Variants in DEFB1 observed in about 807,000 individuals in gnomAD.
DEFB1 encodes the protein beta-defensin 1.
In DEFB1, 4 loss-of-function variants were observed where a neutral mutation model predicts 2.6. That is an observed-to-expected ratio of 1.53 (90% CI 0.76 to 3.51). The LOEUF is 3.51. Among genes scored for constraint, DEFB1 ranks in the 30% most tolerant of loss-of-function variants. The probability of loss-of-function intolerance (pLI) is 0.01; values close to 1 mark genes in which losing one functional copy is unlikely to be tolerated. For synonymous variants in DEFB1, 56 were observed against 28.5 expected (o/e 1.96, Z -3.07); for missense variants, 162 against 76.9 (o/e 2.11, Z -4.14).
Position 6,870,689 on chromosome 8 carries a change from A to C in DEFB1, c.199T>G (p.Cys67Gly), listed in dbSNP as rs1800968. The change falls in exon 2 of 2, where the codon TGC (cysteine) becomes GGC (glycine). Residue 67 changes from cysteine (C) to glycine (G), a missense_variant. Transcript: ENST00000297439. ...GTCYRGKAKCCK is the reference protein window; with the variant it reads ...GTCYRGKAKCGK ...TTCTGGTCACTCCCAGCTCACTTGC[A>C]GCACTTGGCCTTCCCTCTGTAACAG... 9 of 1,613,888 alleles carry C rather than the reference A, an allele frequency of 5.6e-6. No homozygotes were observed. In the East Asian group the frequency reaches 2.0e-4, roughly 36 times the overall value.
chr8:6,872,977 T>TGA (rs1806377523), intron 1 of DEFB1, among the ~76,000 whole-genome samples: 1 of 152,228 alleles, frequency 6.6e-6, no homozygotes, highest in African/African-American at 2.4e-5. Context: ...AGAGATCAAC[T>TGA]GAGCATATAA....
rs540583584 is a variant in DEFB1 at position 6,876,510 on chromosome 8, G to T, written c.61+1287C>A. Among the ~76,000 whole-genome samples, 16 of 151,712 alleles carry T rather than the reference G, an allele frequency of 1.1e-4. No homozygotes were observed. In the East Asian group the frequency reaches 3.1e-3, roughly 30 times the overall value. ...AAAACAAAACAAAACAAAAAAACACGGTAGGCTGAGTGGAGTGGCTCATGC... is the reference window on the plus strand; with the variant it reads ...AAAACAAAACAAAACAAAAAAACACTGTAGGCTGAGTGGAGTGGCTCATGC... On this transcript the variant is annotated intron_variant, in intron 1 of 1. Coordinates refer to ENST00000297439, the MANE Select transcript of DEFB1 (RefSeq NM_005218.4).
chr8:6,874,849 A>G (rs1585000376), intron 1 of DEFB1, among the ~76,000 whole-genome samples: 1 of 151,990 alleles, frequency 6.6e-6, no homozygotes, highest in South Asian at 2.1e-4. Flanking sequence ...AGGTGTGGTG[A>G]CAGGCGCCTG....
chr8:6,870,830 T>C lies in DEFB1; in HGVS notation c.62-4A>G. The C allele has an allele frequency of 6.2e-7, 1 of 1,610,858 alleles. No individual in the cohort carries two copies. Among genetic ancestry groups the C allele is most frequent in the Non-Finnish European group, 8.5e-7 (1 of 1,178,784 alleles). On this transcript the variant is annotated splice_region_variant and splice_polypyrimidine_tract_variant and intron_variant, in intron 1 of 1. Coordinates refer to ENST00000297439, the MANE Select transcript of DEFB1 (RefSeq NM_005218.4). The stretch of plus-strand genomic sequence containing the variant: ...AGGCCTGTGAGAAAGTTACCACCTG[T>C]AAGGAGGGAACACAAACACTTCAGA...
Position 6,871,380 on chromosome 8 carries a change from G to T in DEFB1, c.62-554C>A, listed in dbSNP as rs183841562. ...CTTTCATAGTTTTTTTTTCTACTTG[G>T]ACTTTATTTTGCCCTTCTCCCAGTA... is the stretch of plus-strand genomic sequence containing the variant. On this transcript the variant is annotated intron_variant, in intron 1 of 1. Transcript: ENST00000297439. Among the ~76,000 whole-genome samples the T allele has an allele frequency of 1.3e-4, 19 of 151,924 alleles. No homozygotes were observed. In the East Asian group the frequency reaches 1.9e-3, roughly 15 times the overall value.
intron 1 of DEFB1, among the ~76,000 whole-genome samples, chr8:6,872,153 T>G (rs138890992): frequency 6.6e-6 from 1 of 152,180 alleles, no homozygotes; most frequent in East Asian, 2.0e-4. Context: ...GTGGATGTGT[T>G]TAAGTTGGCC....
At chr8:6,875,064 CCACACA>C (rs61101914) in intron 1 of DEFB1, among the ~76,000 whole-genome samples, 8,658 of 135,614 alleles carry the variant, frequency 0.064, 314 homozygotes, top group Admixed American at 0.1. Flanking sequence ...CATACCGAAG[CCACACA>C]CACACACACA....
At chr8:6,876,169 A>G (rs896408876) in intron 1 of DEFB1, among the ~76,000 whole-genome samples, 1 of 152,076 alleles carries the variant, frequency 6.6e-6, no homozygotes, top group African/African-American at 2.4e-5. Flanking sequence ...ATGAAGTAAT[A>G]TTTTCTATTC....
At position 6,873,076 on chromosome 8, in the gene DEFB1, C is replaced by T. The variant is rs187529169; in HGVS notation, c.62-2250G>A. On this transcript the variant is annotated intron_variant, in intron 1 of 1. Transcript: ENST00000297439. ...AATCAAATGGTTGGGTGTATATATG[C>T]TGATTAAGCAGAGGAGGCCCAAATT... 4.3e-4 allele frequency among the ~76,000 whole-genome samples: 65 copies of T among 152,304 alleles called. 2 individuals carry two copies. The highest frequency in any genetic ancestry group is 1.5e-3 in the African/African-American group (62 of 41,544).
chr8:6,873,237 C>T (rs1173148002), intron 1 of DEFB1, among the ~76,000 whole-genome samples: 1 of 152,152 alleles, frequency 6.6e-6, no homozygotes, highest in Admixed American at 6.5e-5. Flanking sequence ...AAAGACCAAC[C>T]CCGGACCAGA....
intron 1 of DEFB1, among the ~76,000 whole-genome samples, chr8:6,876,732 G>A (rs566755493): frequency 6.6e-6 from 1 of 151,598 alleles, no homozygotes; most frequent in Admixed American, 6.6e-5. Context: ...GAGCTCAGGA[G>A]GCAGAGGCTG....
In DEFB1 at chr8:6,872,637, G is replaced by T. The variant is rs141837545; in HGVS notation, c.62-1811C>A. 7.0e-3 allele frequency among the ~76,000 whole-genome samples: 1,068 copies of T among 152,290 alleles called. 7 individuals carry two copies. Among genetic ancestry groups the T allele is most frequent in the African/African-American group, 0.02 (836 of 41,554 alleles). On this transcript the variant is annotated intron_variant, in intron 1 of 1. Transcript: ENST00000297439. ...ATGGAAGGGAATTGAGAGGCACTCT[G>T]GTTCTCCCATCCCAGTACTCAGGGA...
chr8:6,876,672 G>A (rs1376709546), intron 1 of DEFB1, among the ~76,000 whole-genome samples: 1 of 151,674 alleles, frequency 6.6e-6, no homozygotes, highest in Non-Finnish European at 1.5e-5. Context: ...GTGTGGTGGT[G>A]CATGCCTGTA....
chr8:6,874,958 G>C (rs1382101357), intron 1 of DEFB1, among the ~76,000 whole-genome samples: 1 of 149,484 alleles, frequency 6.7e-6, no homozygotes, highest in Non-Finnish European at 1.5e-5. Flanking sequence ...CTACAGCCTG[G>C]GTGACAGAGC....
At position 6,874,141 on chromosome 8, in the gene DEFB1, A is replaced by G. The variant is rs779979259; in HGVS notation, c.62-3315T>C. On this transcript the variant is annotated intron_variant, in intron 1 of 1. Transcript: ENST00000297439. The stretch of plus-strand genomic sequence containing the variant: ...CATACACACACACACACACACACAC[A>G]CACACGCACACACACGCACATGTGC... Among the ~76,000 whole-genome samples, 340 of 68,358 alleles carry G rather than the reference A, an allele frequency of 5.0e-3. 2 individuals carry two copies. Among genetic ancestry groups the G allele is most frequent in the African/African-American group, 0.016 (330 of 20,400 alleles). The allele number at this position is 68,358 out of a possible 152,430, so 44.8% of individuals were successfully genotyped here.
chr8:6,876,276 A>G (rs1387372269), intron 1 of DEFB1, among the ~76,000 whole-genome samples: 1 of 152,144 alleles, frequency 6.6e-6, no homozygotes, highest in Non-Finnish European at 1.5e-5. Context: ...GGAGTTAAAG[A>G]CCAGCATGAC....
At position 6,870,669 on chromosome 8, in the gene DEFB1, G is replaced by T. The variant is rs190741740; in HGVS notation, c.*12C>A. The stretch of plus-strand genomic sequence containing the variant: ...TTTCACTTCTGCGTCATTTCTTCTG[G>T]TCACTCCCAGCTCACTTGCAGCACT... On this transcript the variant is annotated 3_prime_UTR_variant, in exon 2 of 2. Coordinates refer to ENST00000297439, the MANE Select transcript of DEFB1 (RefSeq NM_005218.4). 24 of 1,606,872 alleles carry T rather than the reference G, an allele frequency of 1.5e-5. No individual in the cohort carries two copies. The East Asian group carries it at 4.7e-4, about 31-fold the overall frequency.
chr8:6,874,376 C>T (rs1332256626), intron 1 of DEFB1, among the ~76,000 whole-genome samples: 2 of 152,018 alleles, frequency 1.3e-5, no homozygotes, highest in Non-Finnish European at 2.9e-5. Flanking sequence ...AATTAATCTT[C>T]TGGTTCAACC....
At chr8:6,875,306 G>C (rs1806483392) in intron 1 of DEFB1, among the ~76,000 whole-genome samples, 1 of 152,126 alleles carries the variant, frequency 6.6e-6, no homozygotes, top group Non-Finnish European at 1.5e-5. Context: ...TCTTTTCTAG[G>C]AAAGTTTCCA....
Sources: gnomAD v4.1 joint callset for allele counts (sites outside exome capture counted in the v4.1 genomes callset) on GRCh38, gnomAD v4.1.1 for gene constraint, MANE v1.5 for transcripts, NCBI Gene and HGNC (gene_info 2026-07-23, HGNC 2026-07-21) for gene names.